COX17: variants seen among roughly 807,000 people sequenced by gnomAD.
COX17 encodes the protein cytochrome c oxidase copper chaperone COX17.
Under a neutral mutation model 6.3 loss-of-function variants are expected in COX17, and 1 was observed. The observed-to-expected ratio is 0.16, with a 90% confidence interval of 0.06 to 0.75. The LOEUF is 0.75. Ranked by LOEUF, COX17 falls within the 30% of genes least tolerant of loss-of-function variation. COX17 has a pLI of 0.77. For synonymous variants in COX17, 26 were observed against 30.5 expected (o/e 0.85, Z 0.49); for missense variants, 73 against 81.2 (o/e 0.90, Z 0.39).
intron 2 of COX17, among the ~76,000 whole-genome samples, chr3:119,670,073 C>T (rs750737991): frequency 1.3e-5 from 2 of 152,146 alleles, no homozygotes; most frequent in Non-Finnish European, 2.9e-5. Context: ...TGGCGAAGAT[C>T]CACAAAGTAG....
At chr3:119,665,369 GTTTT>G (rs2052984797), downstream of COX17, 1 of 152,114 alleles carries the variant, frequency 6.6e-6, no homozygotes, top group Admixed American at 6.6e-5. Flanking sequence ...ACAAGCCTAG[GTTTT>G]TTTGTTTGCT....
In COX17 at chr3:119,677,206, C is replaced by A. The variant is rs1397574134; in HGVS notation, c.105G>T (p.Ala35=). Residue 35 remains alanine (A), a splice_region_variant and synonymous_variant, in exon 1 of 3, where the codon GCG becomes GCT. Transcript: ENST00000261070. ...ACPETKKARD[A]CIIEKGEEHC... is the part of the protein sequence containing the mutation. ...GCCCTCTCCGGCTGCGCACTGACCA[C>A]GCATCGCGCGCCTTCTTGGTCTCCG... The A allele has an allele frequency of 1.9e-6, 3 of 1,609,240 alleles. No individual in the cohort carries two copies. The African/African-American group carries it at 4.0e-5, about 22-fold the overall frequency.
At chr3:119,665,006 T>C (rs528726138), downstream of COX17, among the ~76,000 whole-genome samples, 26 of 152,226 alleles carry the variant, frequency 1.7e-4, 1 homozygote, top group Non-Finnish European at 3.4e-4. Flanking sequence ...TTGTCTTCCA[T>C]AGCCATTTCC....
intron 2 of COX17, chr3:119,674,449 A>G (rs1432009265): frequency 6.6e-6 from 1 of 152,132 alleles, no homozygotes; most frequent in African/African-American, 2.4e-5. Context: ...CTACAATTCC[A>G]TTTTCATTTT....
At chr3:119,672,622 C>T (rs1021220776) in intron 2 of COX17, among the ~76,000 whole-genome samples, 15 of 152,178 alleles carry the variant, frequency 9.9e-5, no homozygotes, top group Non-Finnish European at 2.1e-4. Flanking sequence ...TAAGAACACA[C>T]TCCCCTTCAA....
chr3:119,676,027 T>C (rs2053095747), intron 1 of COX17, among the ~76,000 whole-genome samples: 1 of 152,228 alleles, frequency 6.6e-6, no homozygotes, highest in Non-Finnish European at 1.5e-5. Context: ...ATAGCTAGCA[T>C]TCATTGATCA....
chr3:119,673,068 C>T (rs1329005244), intron 2 of COX17, among the ~76,000 whole-genome samples: 1 of 152,118 alleles, frequency 6.6e-6, no homozygotes, highest in Non-Finnish European at 1.5e-5. Context: ...TGGCATATGG[C>T]TTTGGCATTC....
downstream of COX17, chr3:119,665,259 C>T (rs1299115027): frequency 1.3e-5 from 2 of 152,232 alleles, no homozygotes; most frequent in Non-Finnish European, 2.9e-5. Flanking sequence ...ACCTTTCATC[C>T]AGGCTTGAAT....
At chr3:119,676,915 G>A (rs1479260999) in intron 1 of COX17, 1 of 700,162 alleles carries the variant, frequency 1.4e-6, no homozygotes, top group South Asian at 1.5e-5. Flanking sequence ...TCTCTCCATC[G>A]TTTCCCGGTA....
intron 2 of COX17, among the ~76,000 whole-genome samples, chr3:119,672,878 G>A (rs752740702): frequency 1.3e-5 from 2 of 152,146 alleles, no homozygotes; most frequent in East Asian, 1.9e-4. Context: ...TAAAAACAAA[G>A]CCTCAGGACT....
At chr3:119,665,881 T>C (rs1384375923), downstream of COX17, among the ~76,000 whole-genome samples, 1 of 152,246 alleles carries the variant, frequency 6.6e-6, no homozygotes, top group East Asian at 1.9e-4. Context: ...CATCTGCTAA[T>C]TGTCACATTC....
At chr3:119,668,583 A>C (rs2053014922), downstream of COX17, among the ~76,000 whole-genome samples, 1 of 151,670 alleles carries the variant, frequency 6.6e-6, no homozygotes, top group Non-Finnish European at 1.5e-5. Context: ...AGACCCAAAG[A>C]AGCTATGCCT....
At chr3:119,677,128 G>A (rs1218553277) in intron 1 of COX17, 76 bp downstream of exon 1, 5 of 1,089,996 alleles carry the variant, frequency 4.6e-6, no homozygotes, top group Middle Eastern at 2.9e-4. Flanking sequence ...GGCAGAGGCC[G>A]TAGGGCAGAG....
intron 2 of COX17, chr3:119,674,492 C>G (rs1010676240): frequency 6.6e-6 from 1 of 152,200 alleles, no homozygotes; most frequent in Non-Finnish European, 1.5e-5. Flanking sequence ...GATACCCACT[C>G]CCTACTTAAA....
chr3:119,666,818 T>G (rs904689419), downstream of COX17: 1 of 152,174 alleles, frequency 6.6e-6, no homozygotes, highest in African/African-American at 2.4e-5. Context: ...CTGCAAATAA[T>G]AGACCTTCAC....
At chr3:119,673,524 A>ATGGC (rs200069997) in intron 2 of COX17, among the ~76,000 whole-genome samples, 3,058 of 152,332 alleles carry the variant, frequency 0.02, 40 homozygotes, top group Middle Eastern at 0.071. Context: ...ACAGCCACAT[A>ATGGC]TGGCTAGTGG....
intron 1 of COX17, among the ~76,000 whole-genome samples, chr3:119,676,180 C>T (rs180705891): frequency 1.9e-3 from 284 of 152,310 alleles, no homozygotes; most frequent in African/African-American, 3.6e-3. Flanking sequence ...GATTAAGATT[C>T]AAACCTTGAC....
At chr3:119,675,327 T>A in intron 1 of COX17, 94 bp from the exon 2 acceptor site, 1 of 818,568 alleles carries the variant, frequency 1.2e-6, no homozygotes, top group Non-Finnish European at 2.1e-6. Flanking sequence ...AACACGGGTA[T>A]AATGGAATGT....
intron 2 of COX17, among the ~76,000 whole-genome samples, chr3:119,672,071 C>T (rs1272722217): frequency 6.6e-6 from 1 of 152,202 alleles, no homozygotes; most frequent in Non-Finnish European, 1.5e-5. Context: ...TGTCTGCTAT[C>T]CACAACTCTA....
Sources: allele counts gnomAD v4.1 joint callset (sites outside exome capture counted in the v4.1 genomes callset), GRCh38; gene constraint gnomAD v4.1.1; transcripts MANE v1.5; gene names NCBI Gene and HGNC (gene_info 2026-07-23, HGNC 2026-07-21).